ZNF117: variants seen among roughly 807,000 people sequenced by gnomAD.
ZNF117 encodes Krueppel-related zinc finger protein.
A neutral mutation model predicts 41.2 loss-of-function variants in ZNF117; 37 were observed. The ratio of observed to expected loss-of-function variants is 0.90; its 90% CI spans 0.69 to 1.18. The LOEUF (loss-of-function observed/expected upper bound fraction) is 1.18, where lower values mean the gene tolerates loss of function less well. ZNF117 is among the 50% of genes most tolerant of loss of function. The pLI, the probability that ZNF117 is intolerant of heterozygous loss-of-function variation, is 0.00. For missense variants in ZNF117, 546 were observed against 557.5 expected (o/e 0.98, Z 0.21); for synonymous variants, 186 against 186.6 (o/e 1.00, Z 0.02).
exon 3 of ZNF117, chr7:64,975,980 T>G (rs1175095217): frequency 6.6e-6 from 1 of 152,194 alleles, no homozygotes; most frequent in East Asian, 1.9e-4. Context: ...ACATTTGCAG[T>G]TTTTCTCCAA....
At chr7:64,983,680 TTTA>T (rs1219931717), upstream of ZNF117, among the ~76,000 whole-genome samples, 1 of 152,218 alleles carries the variant, frequency 6.6e-6, no homozygotes, top group African/African-American at 2.4e-5. Context: ...AGAATATGCT[TTTA>T]AAAGTGTCAG....
intron 1 of ZNF117, among the ~76,000 whole-genome samples, chr7:64,988,578 A>G (rs1473403904): frequency 6.6e-6 from 1 of 152,218 alleles, no homozygotes; most frequent in African/African-American, 2.4e-5. Context: ...CCTATTCAAC[A>G]TAGAATTGGC....
At chr7:64,975,688 T>G (rs1283909546) in exon 3 of ZNF117, 1 of 152,164 alleles carries the variant, frequency 6.6e-6, no homozygotes, top group African/African-American at 2.4e-5. Flanking sequence ...TTAAATGTAA[T>G]TATAACTAAA....
At chr7:64,973,372 C>G (rs1785812724), downstream of ZNF117, 1 of 151,932 alleles carries the variant, frequency 6.6e-6, no homozygotes, top group Admixed American at 6.6e-5. Context: ...GATGTATTTT[C>G]TAGCAAATTT....
downstream of ZNF117, chr7:64,974,155 T>A (rs533360646): frequency 6.6e-6 from 1 of 151,826 alleles, no homozygotes; most frequent in African/African-American, 2.4e-5. Context: ...AAAGAACAAA[T>A]GGAATGTTCT....
chr7:64,981,954 G>A (rs1786042796), intron 1 of ZNF117, 30 bp downstream of exon 2: 1 of 528,402 alleles, frequency 1.9e-6, no homozygotes, highest in Non-Finnish European at 3.4e-6. Context: ...AAACCTTTAG[G>A]GTATATTAGA....
chr7:64,981,264 A>T, intron 2 of ZNF117, 123 bp downstream of exon 3: 1 of 1,280,422 alleles, frequency 7.8e-7, no homozygotes, highest in Non-Finnish European at 1.1e-6. Context: ...ATAAAAAAAA[A>T]CTCGGGCTTT....
At chr7:64,978,189 G>C (rs1562983511) in exon 3 of ZNF117, 2 of 1,612,026 alleles carry the variant, frequency 1.2e-6, no homozygotes, top group Non-Finnish European at 8.5e-7. Context: ...CTTATGTGTA[G>C]TAAGTGTTGA....
At chr7:64,988,775 T>C (rs1009857831) in intron 1 of ZNF117, among the ~76,000 whole-genome samples, 1 of 152,056 alleles carries the variant, frequency 6.6e-6, no homozygotes, top group African/African-American at 2.4e-5. Flanking sequence ...TGTACAAAAA[T>C]TAGTAGCATC....
At chr7:64,981,330 C>G in intron 2 of ZNF117, 57 bp downstream of exon 3, 1 of 1,598,566 alleles carries the variant, frequency 6.3e-7, no homozygotes, top group South Asian at 1.1e-5. Context: ...AAGCTGTGGC[C>G]TTCTCCTTGG....
At chr7:64,978,810 C>T in exon 3 of ZNF117, 1 of 1,613,512 alleles carries the variant, frequency 6.2e-7, no homozygotes, top group Admixed American at 1.7e-5. Context: ...AGCTTTGCCG[C>T]ATTCTTCACA....
exon 3 of ZNF117, chr7:64,977,833 T>C: frequency 9.1e-7 from 1 of 1,095,168 alleles, no homozygotes; most frequent in Admixed American, 1.8e-5. Flanking sequence ...TTCTCTCCAA[T>C]ATGAATTTTC....
At chr7:64,978,123 G>A (rs1320147483) in exon 3 of ZNF117, 4 of 1,602,938 alleles carry the variant, frequency 2.5e-6, no homozygotes, top group Non-Finnish European at 3.4e-6. Context: ...TGAGGATCAG[G>A]TAGAAGCTTT....
exon 2 of ZNF117, chr7:64,981,461 T>C: frequency 6.2e-7 from 1 of 1,610,166 alleles, no homozygotes; most frequent in Non-Finnish European, 8.5e-7. Flanking sequence ...GGTAATCAGG[T>C]CTGGCTTAGA....
At chr7:64,977,007 T>A (rs11970968) in exon 3 of ZNF117, 2 of 533,532 alleles carry the variant, frequency 3.7e-6, no homozygotes, top group Non-Finnish European at 7.6e-6. Flanking sequence ...ATTTTTCTTA[T>A]GTGCAGTAAG....
At chr7:64,979,574 C>G in intron 2 of ZNF117, 38 bp from the exon 4 acceptor site, 6 of 1,397,788 alleles carry the variant, frequency 4.3e-6, no homozygotes, top group Non-Finnish European at 5.7e-6. Flanking sequence ...TTCACTTGCT[C>G]GACTCAGATG....
chr7:64,985,586 T>G (rs1434914640), upstream of ZNF117, among the ~76,000 whole-genome samples: 1 of 152,204 alleles, frequency 6.6e-6, no homozygotes, highest in Non-Finnish European at 1.5e-5. Flanking sequence ...GTTTAACTGT[T>G]AATATGATTT....
chr7:64,979,003 C>G (rs962083902), exon 3 of ZNF117: 1 of 1,613,228 alleles, frequency 6.2e-7, no homozygotes, highest in Admixed American at 1.7e-5. Context: ...TAGGGTTTCT[C>G]TTCAGTATGA....
chr7:64,977,091 T>G, exon 3 of ZNF117: 1 of 524,518 alleles, frequency 1.9e-6, no homozygotes, highest in South Asian at 1.4e-5. Flanking sequence ...AATTATATTA[T>G]GTATAGCAAG....
Sources: allele counts gnomAD v4.1 joint callset (sites outside exome capture counted in the v4.1 genomes callset), GRCh38; gene constraint gnomAD v4.1.1; transcripts MANE v1.5; gene names NCBI Gene and HGNC (gene_info 2026-07-23, HGNC 2026-07-21).